Variants in MVP observed in about 807,000 individuals in gnomAD.
MVP encodes lung resistance-related protein.
Under a neutral mutation model 83.5 loss-of-function variants are expected in MVP, and 62 were observed. The ratio of observed to expected loss-of-function variants is 0.74; its 90% CI spans 0.61 to 0.92. The LOEUF is 0.92. Ranked by LOEUF, MVP falls within the 40% of genes least tolerant of loss-of-function variation. The pLI is 0.00. For synonymous variants in MVP, 505 were observed against 504.1 expected (o/e 1.00, Z -0.02); for missense variants, 1,000 against 1,203.4 (o/e 0.83, Z 2.50).
chr16:29,831,538 T>G (rs537860044), intron 3 of MVP: 88 of 450,188 alleles, frequency 2.0e-4, no homozygotes, highest in South Asian at 1.3e-3. Flanking sequence ...AGGGTGGAAT[T>G]GACTCACTGT....
chr16:29,847,687 T>C, intron 14 of MVP, 75 bp from the exon 15 acceptor site: 1 of 1,432,868 alleles, frequency 7.0e-7, no homozygotes, highest in South Asian at 1.1e-5. Context: ...TCAAACCAGC[T>C]GACTTAAGGA....
intron 1 of MVP, among the ~76,000 whole-genome samples, chr16:29,826,356 G>C (rs924518302): frequency 8.5e-5 from 13 of 152,284 alleles, no homozygotes; most frequent in African/African-American, 3.1e-4. Flanking sequence ...ATCCTGGCTG[G>C]GTGCGGTGGC....
At chr16:29,840,564 G>A in intron 8 of MVP, 105 bp downstream of exon 8, 1 of 1,347,624 alleles carries the variant, frequency 7.4e-7, no homozygotes, top group South Asian at 1.5e-5. Flanking sequence ...GCAGCATGGA[G>A]AGCCATATCA....
At chr16:29,843,582 A>AGGGAGGGAGGGAGGGAGGGAGGGAGGG (rs2067555330) in intron 10 of MVP, among the ~76,000 whole-genome samples, 1 of 19,172 alleles carries the variant, frequency 5.2e-5, no homozygotes, top group African/African-American at 3.3e-4. Context: ...GGGAGGGAGG[A>AGGGAGGGAGGGAGGGAGGGAGGGAGGG]AGGGAGGAAG....
intron 1 of MVP, among the ~76,000 whole-genome samples, chr16:29,826,896 C>T (rs1022482769): frequency 6.8e-6 from 1 of 147,344 alleles, no homozygotes; most frequent in African/African-American, 2.5e-5. Context: ...CACTGCACTC[C>T]AGCCTGGCGA....
Position 29,830,687 on chromosome 16 carries a change from G to T in MVP, c.125+13G>T, listed in dbSNP as rs2067434806. ...AGGACAATGAGAGGTGGGTGTGGGGGCTGGGCTGTGGGGGATCCTTGGGGA... is the reference window on the plus strand; with the variant it reads ...AGGACAATGAGAGGTGGGTGTGGGGTCTGGGCTGTGGGGGATCCTTGGGGA... On this transcript the variant is annotated intron_variant, in intron 2 of 14. Transcript: ENST00000357402. The T allele has an allele frequency of 1.9e-6, 3 of 1,613,452 alleles. No homozygotes were observed. The highest frequency in any genetic ancestry group is 2.5e-6 in the Non-Finnish European group (3 of 1,179,732).
intron 1 of MVP, among the ~76,000 whole-genome samples, chr16:29,826,772 A>G (rs2067407482): frequency 6.6e-6 from 1 of 151,724 alleles, no homozygotes; most frequent in South Asian, 2.1e-4. Context: ...AAAAAAATAC[A>G]AAAAGTTAGC....
chr16:29,844,389 A>G (rs2067562988), intron 10 of MVP, 104 bp from the exon 11 acceptor site: 5 of 1,450,870 alleles, frequency 3.4e-6, no homozygotes, highest in Non-Finnish European at 4.6e-6. Flanking sequence ...GCCTGAGCCC[A>G]GGAGTTCAAG....
chr16:29,837,162 C>T (rs1945468671), intron 7 of MVP, among the ~76,000 whole-genome samples: 1 of 152,232 alleles, frequency 6.6e-6, no homozygotes, highest in Non-Finnish European at 1.5e-5. Flanking sequence ...GAAGTTAATT[C>T]CCCTTCTGGG....
rs1289057079 is a variant in MVP, at chr16:29,836,862, G to A, written c.813G>A (p.Val271=). The change falls in exon 7 of 15, where the codon GTG becomes GTA. Residue 271 remains valine, a synonymous_variant. Transcript: ENST00000357402. The stretch of plus-strand genomic sequence containing the variant: ...TCCACGAGGAGGTGCTGGGGGTTGT[G>A]CCCATCACCACCCTGGGCCCCCACA... ...PDVHEEVLGV[V]PITTLGPHNY... The A allele has an allele frequency of 2.5e-6, 4 of 1,613,876 alleles. No homozygotes were observed. The highest frequency in any genetic ancestry group is 3.4e-6 in the Non-Finnish European group (4 of 1,179,998).
chr16:29,841,776 G>A lies in MVP; in HGVS notation c.1372G>A (p.Val458Ile), dbSNP rs773150912. The change falls in exon 9 of 15, where the codon GTC becomes ATC. Residue 458 changes from valine to isoleucine, a missense_variant. Val to Ile is a conservative substitution (Grantham distance 29). Coordinates refer to ENST00000357402, the MANE Select transcript of MVP (RefSeq NM_005115.5). This position sits in a 1 kb window ranked among gnomAD's most constrained non-coding sequence, Gnocchi z 4.7. The stretch of plus-strand genomic sequence containing the variant: ...GGCGCCCCGGAACAAGACCCGTGTG[G>A]TCAGCTACCGCGTGCCCCACAACGC... ...PLAPRNKTRV[V>I]SYRVPHNAAV... The A allele has an allele frequency of 1.5e-5, 24 of 1,613,572 alleles. No homozygotes were observed. The highest frequency in any genetic ancestry group is 2.0e-5 in the Non-Finnish European group (24 of 1,179,998).
upstream of MVP, chr16:29,820,417 C>T (rs1900344694): frequency 6.6e-6 from 1 of 152,234 alleles, no homozygotes; most frequent in Admixed American, 6.5e-5. Flanking sequence ...CACCCCTGGG[C>T]TTGGCCTGCC....
chr16:29,841,575 C>T lies in MVP; in HGVS notation c.1192-21C>T. 6.4e-7 allele frequency: 1 copy of T among 1,557,764 alleles called. No individual in the cohort carries two copies. The highest frequency in any genetic ancestry group is 8.7e-7 in the Non-Finnish European group (1 of 1,150,422). On this transcript the variant is annotated intron_variant, in intron 8 of 14. Coordinates refer to ENST00000357402, the MANE Select transcript of MVP (RefSeq NM_005115.5). This position sits in a 1 kb window ranked among gnomAD's most constrained non-coding sequence, Gnocchi z 4.7. ...CCCTTCCACCCTTACGGGCAGCTTCCCTCCCTGTCCTCGTCCCAAGGTGCG... is the reference window on the plus strand; with the variant it reads ...CCCTTCCACCCTTACGGGCAGCTTCTCTCCCTGTCCTCGTCCCAAGGTGCG...
At position 29,836,709 on chromosome 16, in the gene MVP, T is replaced by C. The variant is rs2067489938; in HGVS notation, c.673-13T>C. 4 of 1,545,386 alleles carry C rather than the reference T, an allele frequency of 2.6e-6. No individual in the cohort carries two copies. The highest frequency in any genetic ancestry group is 2.5e-5 in the South Asian group (2 of 81,234). ...AGGCAGGTCACTCAAATACCCAACA[T>C]GTTGCTCTGCAGACAGCCCTGCACC... On this transcript the variant is annotated splice_polypyrimidine_tract_variant and intron_variant, in intron 6 of 14. Coordinates refer to ENST00000357402, the MANE Select transcript of MVP (RefSeq NM_005115.5).
chr16:29,829,234 C>T (rs561545764), intron 1 of MVP, among the ~76,000 whole-genome samples: 1 of 151,570 alleles, frequency 6.6e-6, no homozygotes, highest in East Asian at 1.9e-4. Flanking sequence ...CCTATAATCC[C>T]AGCACTTTGG....
At position 29,834,011 on chromosome 16, in the gene MVP, G is replaced by C; in HGVS notation, c.522G>C (p.Leu174=). 6.2e-7 allele frequency: 1 copy of C among 1,614,082 alleles called. No individual in the cohort carries two copies. Among genetic ancestry groups the C allele is most frequent in the Non-Finnish European group, 8.5e-7 (1 of 1,179,978 alleles). The change falls in exon 5 of 15, where the codon CTG becomes CTC. Residue 174 remains leucine (L), a synonymous_variant. Coordinates refer to ENST00000357402, the MANE Select transcript of MVP (RefSeq NM_005115.5). ...QATIIRQNQA[L]RLRARKECWD... ...CCATCATCAGGCAGAACCAGGCTCT[G>C]CGGCTCAGGGCCCGCAAGGAGTGCT... is the stretch of plus-strand genomic sequence containing the variant.
In MVP at chr16:29,836,826, C is replaced by A. The variant is rs375864007; in HGVS notation, c.777C>A (p.His259Gln). ...TAACAGTGCAGGACACAGAGGCCCA[C>A]GTGCCAGATGTCCACGAGGAGGTGC... ...WLVTVQDTEA[H>Q]VPDVHEEVLG... The change falls in exon 7 of 15, where the codon CAC (histidine) becomes CAA (glutamine). Residue 259 changes from histidine (H) to glutamine (Q), a missense_variant. Coordinates refer to ENST00000357402, the MANE Select transcript of MVP (RefSeq NM_005115.5). 10 of 1,613,818 alleles carry A rather than the reference C, an allele frequency of 6.2e-6. No individual in the cohort carries two copies. Among genetic ancestry groups the A allele is most frequent in the Non-Finnish European group, 7.6e-6 (9 of 1,179,928 alleles).
In MVP at chr16:29,847,439, G is replaced by A. The variant is rs904008148; in HGVS notation, c.2454+54G>A. 1.7e-5 allele frequency: 25 copies of A among 1,482,736 alleles called. No homozygotes were observed. In the African/African-American group the frequency reaches 3.4e-4, roughly 20 times the overall value. The allele number at this position is 1,482,736 out of a possible 1,614,324, so 91.8% of individuals were successfully genotyped here. On this transcript the variant is annotated intron_variant, in intron 14 of 14. Transcript: ENST00000357402. ...CAGGACCAACCTTGAAACCAGGAAGGCAGAGCCAAGGCGGAAAACACAACA... is the reference window on the plus strand; with the variant it reads ...CAGGACCAACCTTGAAACCAGGAAGACAGAGCCAAGGCGGAAAACACAACA...
At chr16:29,822,772 C>T (rs1384704106) in intron 1 of MVP, 13 of 152,272 alleles carry the variant, frequency 8.5e-5, no homozygotes, top group African/African-American at 9.6e-5. Context: ...GGCCAGAGTA[C>T]AATGGCGCAA....
Sources: allele counts gnomAD v4.1 joint callset (sites outside exome capture counted in the v4.1 genomes callset), GRCh38; gene constraint gnomAD v4.1.1; non-coding constraint Gnocchi (gnomAD v3.1); transcripts MANE v1.5; gene names NCBI Gene and HGNC (gene_info 2026-07-23, HGNC 2026-07-21).